TMEM207: variants seen among roughly 807,000 people sequenced by gnomAD.
The protein encoded by TMEM207 is transmembrane protein 207.
Under a neutral mutation model 17.4 loss-of-function variants are expected in TMEM207, and 15 were observed. The observed-to-expected ratio is 0.86, with a 90% CI of 0.58 to 1.33. The LOEUF (loss-of-function observed/expected upper bound fraction) is 1.33, where lower values mean the gene tolerates loss of function less well. TMEM207 is among the 40% of genes most tolerant of loss of function. The pLI, the probability that TMEM207 is intolerant of heterozygous loss-of-function variation, is 0.00. For synonymous variants in TMEM207, 70 were observed against 65.6 expected, an observed-to-expected ratio of 1.07 and a Z score of -0.33; for missense variants, 205 against 173.8, an observed-to-expected ratio of 1.18 and a Z score of -1.01.
intron 4 of TMEM207, among the ~76,000 whole-genome samples, chr3:190,434,632 ACCT>A (rs1232206220): frequency 2.0e-5 from 3 of 152,232 alleles, no homozygotes; most frequent in African/African-American, 7.2e-5. Flanking sequence ...AAAAAAAATT[ACCT>A]CAACACAGAT....
intron 4 of TMEM207, among the ~76,000 whole-genome samples, chr3:190,436,869 A>C (rs1465896218): frequency 6.6e-6 from 1 of 152,192 alleles, no homozygotes; most frequent in African/African-American, 2.4e-5. Flanking sequence ...CAGAAATGCC[A>C]AAAAGCACAG....
chr3:190,442,274 G>C (rs1719952302), intron 2 of TMEM207, among the ~76,000 whole-genome samples: 1 of 152,150 alleles, frequency 6.6e-6, no homozygotes, highest in Non-Finnish European at 1.5e-5. Context: ...ATTCTGAACT[G>C]AGCTTGAACA....
chr3:190,445,119 C>T (rs1720016068), intron 2 of TMEM207, among the ~76,000 whole-genome samples: 1 of 152,172 alleles, frequency 6.6e-6, no homozygotes, highest in Non-Finnish European at 1.5e-5. Flanking sequence ...CCAAGCTCTG[C>T]CTTTTAACTT....
At chr3:190,439,458 G>C (rs1560107376) in intron 4 of TMEM207, among the ~76,000 whole-genome samples, 1 of 152,126 alleles carries the variant, frequency 6.6e-6, no homozygotes, top group Non-Finnish European at 1.5e-5. Context: ...AAGCGCTCCC[G>C]AGGTAACTGT....
chr3:190,443,156 TTTTGTTTTG>T (rs1358377210), intron 2 of TMEM207, among the ~76,000 whole-genome samples: 1 of 150,260 alleles, frequency 6.7e-6, no homozygotes, highest in Non-Finnish European at 1.5e-5. Context: ...TTTTTTTTTT[TTTTGTTTTG>T]TTTTGTTTTG....
chr3:190,429,858 GA>G (rs531715327), intron 4 of TMEM207, 127 bp from the exon 5 acceptor site: 2 of 1,187,770 alleles, frequency 1.7e-6, no homozygotes, highest in African/African-American at 1.6e-5. Context: ...GTATCTATGA[GA>G]AAAAAATTAC....
At chr3:190,441,055 C>T (rs899141783) in intron 3 of TMEM207, among the ~76,000 whole-genome samples, 3 of 151,352 alleles carry the variant, frequency 2.0e-5, no homozygotes, top group Non-Finnish European at 4.4e-5. Context: ...GGCGACAGAG[C>T]AAAACTGTGT....
chr3:190,429,331 A>T lies in TMEM207; in HGVS notation c.*264T>A. The T allele has an allele frequency of 2.6e-6, 1 of 390,836 alleles. No individual in the cohort carries two copies. The highest frequency in any genetic ancestry group is 4.6e-6 in the Non-Finnish European group (1 of 215,266). 24.2% of individuals were successfully genotyped at this position (390,836 alleles called of 1,614,324 possible). A position where few individuals can be genotyped will look rare whatever the true frequency, so the allele number is the denominator to read the frequency against. On this transcript the variant is annotated 3_prime_UTR_variant, in exon 5 of 5. Coordinates refer to ENST00000354905, the MANE Select transcript of TMEM207 (RefSeq NM_207316.3). Reference sequence around the variant, plus strand: ...CAGCACCTAATTGTTGCCTGTTTGGATACTAGTGGAGAAGCATTAATTTGG... The same window carrying T: ...CAGCACCTAATTGTTGCCTGTTTGGTTACTAGTGGAGAAGCATTAATTTGG...
rs139221851 is a variant in TMEM207, at chr3:190,436,867, C to G, written c.304+3377G>C. On this transcript the variant is annotated intron_variant, in intron 4 of 4. Coordinates refer to ENST00000354905, the MANE Select transcript of TMEM207 (RefSeq NM_207316.3). ...GTTTTGGAGAAGAGAAACAGAAATGCCAAAAAGCACAGCTCTGGGCATCTT... is the reference window on the plus strand; with the variant it reads ...GTTTTGGAGAAGAGAAACAGAAATGGCAAAAAGCACAGCTCTGGGCATCTT... Among the ~76,000 whole-genome samples the G allele has an allele frequency of 5.3e-5, 8 of 152,154 alleles. No individual in the cohort carries two copies. The East Asian group carries it at 1.5e-3, about 29-fold the overall frequency.
intron 3 of TMEM207, among the ~76,000 whole-genome samples, chr3:190,441,037 G>C (rs184380510): frequency 1.8e-4 from 28 of 152,100 alleles, no homozygotes; most frequent in African/African-American, 5.8e-4. Context: ...CCACTGCACT[G>C]CAGCCTGGGC....
At chr3:190,434,559 T>C (rs1459324095) in intron 4 of TMEM207, among the ~76,000 whole-genome samples, 2 of 152,208 alleles carry the variant, frequency 1.3e-5, no homozygotes, top group African/African-American at 4.8e-5. Flanking sequence ...GTTTCAGTTA[T>C]GTCTTTATCA....
At position 190,440,310 on chromosome 3, in the gene TMEM207, G is replaced by A. The variant is rs535055343; in HGVS notation, c.238C>T (p.Pro80Ser). 5 of 1,613,852 alleles carry A rather than the reference G, an allele frequency of 3.1e-6. No individual in the cohort carries two copies. The highest frequency in any genetic ancestry group is 1.3e-5 in the African/African-American group (1 of 74,846). The change falls in exon 4 of 5, where the codon CCC becomes TCC. Residue 80 changes from proline to serine, a missense_variant. Coordinates refer to ENST00000354905, the MANE Select transcript of TMEM207 (RefSeq NM_207316.3). ...GTGCGCCTGTGAGAATCAATTCGGG[G>A]TCTCCTCAGCCAGCACTGGAGGCAG... ...VLCLQCWLRR[P>S]RIDSHRRTMA...
At chr3:190,435,112 G>C (rs1428297506) in intron 4 of TMEM207, among the ~76,000 whole-genome samples, 4 of 152,154 alleles carry the variant, frequency 2.6e-5, no homozygotes, top group South Asian at 4.2e-4. Flanking sequence ...CTCCCCAAGA[G>C]AGCAGCTGTA....
Position 190,449,858 on chromosome 3 carries a change from T to A in TMEM207, c.-49A>T, listed in dbSNP as rs113512055. ...ATAGTGGTTTGGTGCCTGTGTTTAT[T>A]TCCTTCTTTCTCAGAACTTACTAGC... On this transcript the variant is annotated 5_prime_UTR_variant, in exon 1 of 5. Coordinates refer to ENST00000354905, the MANE Select transcript of TMEM207 (RefSeq NM_207316.3). 0.03 allele frequency: 45,689 copies of A among 1,544,330 alleles called. 882 individuals carry two copies. Among genetic ancestry groups the A allele is most frequent in the South Asian group, 0.059 (5,251 of 89,238 alleles).
intron 4 of TMEM207, among the ~76,000 whole-genome samples, chr3:190,433,705 A>G (rs1387914261): frequency 6.6e-6 from 1 of 152,096 alleles, no homozygotes; most frequent in Non-Finnish European, 1.5e-5. Flanking sequence ...GAGGGGGGAG[A>G]AAACTGGTTT....
intron 2 of TMEM207, among the ~76,000 whole-genome samples, chr3:190,446,119 C>A (rs558887930): frequency 5.3e-5 from 8 of 152,074 alleles, no homozygotes; most frequent in Admixed American, 1.3e-4. Context: ...GCCATCTTTA[C>A]GGTCCTTTTC....
intron 4 of TMEM207, among the ~76,000 whole-genome samples, chr3:190,435,804 C>T (rs1719792300): frequency 6.6e-6 from 1 of 152,136 alleles, no homozygotes; most frequent in African/African-American, 2.4e-5. Context: ...GGGTGAGAAC[C>T]CACGGACCTC....
chr3:190,448,597 G>A (rs776010890), intron 1 of TMEM207, among the ~76,000 whole-genome samples: 1 of 152,148 alleles, frequency 6.6e-6, no homozygotes, highest in African/African-American at 2.4e-5. Flanking sequence ...CTTGTACAAG[G>A]AGAAAGTCTT....
At chr3:190,447,149 G>GT (rs1031845833) in intron 2 of TMEM207, among the ~76,000 whole-genome samples, 4 of 152,060 alleles carry the variant, frequency 2.6e-5, no homozygotes, top group South Asian at 2.1e-4. Context: ...GCTGCTAACA[G>GT]TAAGGGCTGC....
Sources: allele counts gnomAD v4.1 joint callset (sites outside exome capture counted in the v4.1 genomes callset), GRCh38; gene constraint gnomAD v4.1.1; transcripts MANE v1.5; gene names NCBI Gene and HGNC (gene_info 2026-07-23, HGNC 2026-07-21).